The following PPP1R15B variants were observed in gnomAD, a reference collection of about 807,000 sequenced individuals.
PPP1R15B encodes the protein protein phosphatase 1 regulatory subunit 15B, also known as protein phosphatase 1, regulatory (inhibitor) subunit 15B.
A neutral mutation model predicts 53.9 loss-of-function variants in PPP1R15B; 31 were observed. That is an observed-to-expected ratio of 0.58 (90% CI 0.43 to 0.78). PPP1R15B has a LOEUF of 0.78. PPP1R15B is among the 30% of genes least tolerant of loss of function. The probability of loss-of-function intolerance (pLI) is 0.00; values close to 1 mark genes in which losing one functional copy is unlikely to be tolerated. For missense variants in PPP1R15B, 928 were observed against 849.6 expected, an observed-to-expected ratio of 1.09 and a Z score of -1.15; for synonymous variants, 345 against 329.1, an observed-to-expected ratio of 1.05 and a Z score of -0.52.
rs1483716497 is a variant in PPP1R15B at position 204,411,434 on chromosome 1, CAGGT to C, written c.-27_-24del. ...CATCTCCTTTTTCTTGACAGTCTCT[CAGGT>C]AGGGCCGCGGCGCTCAGCGGCTGGA... On this transcript the variant is annotated 5_prime_UTR_variant, in exon 1 of 2. Coordinates refer to ENST00000367188, the MANE Select transcript of PPP1R15B (RefSeq NM_032833.5). 2 of 1,598,214 alleles carry C rather than the reference CAGGT, an allele frequency of 1.3e-6. No homozygotes were observed. The highest frequency in any genetic ancestry group is 1.3e-5 in the African/African-American group (1 of 74,516).
chr1:204,403,873 G>A lies in PPP1R15B; in HGVS notation c.*2219C>T, dbSNP rs1252231726. 5.1e-6 allele frequency: 5 copies of A among 985,388 alleles called. No homozygotes were observed. In the African/African-American group the frequency reaches 8.7e-5, roughly 17 times the overall value. The allele number at this position is 985,388 out of a possible 1,614,324, so 61.0% of individuals were successfully genotyped here. On this transcript the variant is annotated 3_prime_UTR_variant, in exon 2 of 2. Coordinates refer to ENST00000367188, the MANE Select transcript of PPP1R15B (RefSeq NM_032833.5). ...ACCTTCTGATCACTTCTTCCAAGGA[G>A]GCTAGTATATGGAAGAACTCTTAAT...
At chr1:204,396,552 C>A (rs373862913), downstream of PPP1R15B, among the ~76,000 whole-genome samples, 362 of 130,822 alleles carry the variant, frequency 2.8e-3, 1 homozygote, top group Admixed American at 3.4e-3. Context: ...CCCTGTCTGT[C>A]AAAAAAAAAA....
At chr1:204,397,377 T>G (rs1674112103), downstream of PPP1R15B, among the ~76,000 whole-genome samples, 1 of 151,920 alleles carries the variant, frequency 6.6e-6, no homozygotes, top group African/African-American at 2.4e-5. Flanking sequence ...ATACAAAAAA[T>G]TAGCCGGGTG....
Position 204,410,408 on chromosome 1 carries a change from T to A in PPP1R15B, c.1004A>T (p.Asp335Val). Residue 335 changes from aspartate to valine, a missense_variant, in exon 1 of 2, where the codon GAT becomes GTT. Transcript: ENST00000367188. ...TGGGTTATCTCTGCAGTGTTTTGGA[T>A]CCATCCGGAGAAGGCTGTGTTCCTC... ...LEEEHSLLRM[D>V]PKHCRDNPTQ... 6.2e-7 allele frequency: 1 copy of A among 1,614,210 alleles called. No individual in the cohort carries two copies. Among genetic ancestry groups the A allele is most frequent in the Non-Finnish European group, 8.5e-7 (1 of 1,180,030 alleles).
chr1:204,403,405 A>G lies in PPP1R15B; in HGVS notation c.*2687T>C, dbSNP rs12062484. 2.4e-5 allele frequency: 17 copies of G among 704,358 alleles called. No homozygotes were observed. The African/African-American group carries it at 3.3e-4, about 14-fold the overall frequency. The allele number at this position is 704,358 out of a possible 1,614,324, so 43.6% of individuals were successfully genotyped here. ...CTTAACATTTAATAATTGCAAATAT[A>G]TTTATTACAATTTACAGATTAGTTA... On this transcript the variant is annotated 3_prime_UTR_variant, in exon 2 of 2. Coordinates refer to ENST00000367188, the MANE Select transcript of PPP1R15B (RefSeq NM_032833.5).
chr1:204,411,762 G>A lies in PPP1R15B; in HGVS notation c.-351C>T, dbSNP rs1674385684. On this transcript the variant is annotated 5_prime_UTR_variant, in exon 1 of 2. Coordinates refer to ENST00000367188, the MANE Select transcript of PPP1R15B (RefSeq NM_032833.5). ...GAGGGTTGAAAAGCCCCTGAGCAAC[G>A]CGATACCGGAAGGACTGGGTAGGCC... 3.1e-6 allele frequency: 1 copy of A among 326,782 alleles called. No homozygotes were observed. Among genetic ancestry groups the A allele is most frequent in the African/African-American group, 2.2e-5 (1 of 46,326 alleles). The allele number at this position is 326,782 out of a possible 1,614,324, so 20.2% of individuals were successfully genotyped here. A position where few individuals can be genotyped will look rare whatever the true frequency, so the allele number is the denominator to read the frequency against.
chr1:204,403,332 T>C (rs1424448865), downstream of PPP1R15B: 4 of 562,096 alleles, frequency 7.1e-6, no homozygotes, highest in Admixed American at 6.4e-5. Context: ...TCCAAAACCA[T>C]TGTAAAATAC....
At position 204,410,256 on chromosome 1, in the gene PPP1R15B, G is replaced by C; in HGVS notation, c.1156C>G (p.Pro386Ala). 6.2e-7 allele frequency: 1 copy of C among 1,614,054 alleles called. No individual in the cohort carries two copies. Among genetic ancestry groups the C allele is most frequent in the Non-Finnish European group, 8.5e-7 (1 of 1,180,010 alleles). Residue 386 changes from proline (P) to alanine (A), a missense_variant, in exon 1 of 2, where the codon CCA (proline) becomes GCA (alanine). Physicochemically the swap from Pro to Ala is conservative, Grantham distance 27. Transcript: ENST00000367188. ...TTTTCCATAGGTATCTCACTAGATGGACAGCCCTCAGAAGGGCTCTCTTCT... is the reference window on the plus strand; with the variant it reads ...TTTTCCATAGGTATCTCACTAGATGCACAGCCCTCAGAAGGGCTCTCTTCT... ...LEEESPSEGCPSSEIPMEKEP... is the reference protein window; with the variant it reads ...LEEESPSEGCASSEIPMEKEP...
At position 204,405,669 on chromosome 1, in the gene PPP1R15B, GA is replaced by G; in HGVS notation, c.*422del. 1.0e-6 allele frequency: 1 copy of G among 984,174 alleles called. No homozygotes were observed. The highest frequency in any genetic ancestry group is 1.2e-6 in the Non-Finnish European group (1 of 828,288). The allele number at this position is 984,174 out of a possible 1,614,324, so 61.0% of individuals were successfully genotyped here. On this transcript the variant is annotated 3_prime_UTR_variant, in exon 2 of 2. Coordinates refer to ENST00000367188, the MANE Select transcript of PPP1R15B (RefSeq NM_032833.5). The stretch of plus-strand genomic sequence containing the variant: ...AAGCCCATTAACTTCTGAATTTTGG[GA>G]AAGAAACAAGAAAGAGCCCAAAGTT...
downstream of PPP1R15B, among the ~76,000 whole-genome samples, chr1:204,397,080 C>G (rs911290625): frequency 2.0e-5 from 3 of 151,644 alleles, no homozygotes; most frequent in East Asian, 1.9e-4. Flanking sequence ...CCCAGCTACT[C>G]GGGAAACTGA....
At chr1:204,409,470 T>A in intron 1 of PPP1R15B, 22 bp downstream of exon 1, 1 of 1,590,542 alleles carries the variant, frequency 6.3e-7, no homozygotes, top group African/African-American at 1.3e-5. Flanking sequence ...ATATCAGGCA[T>A]GTTAAAAGAC....
chr1:204,411,331 C>G lies in PPP1R15B; in HGVS notation c.81G>C (p.Arg27=). The G allele has an allele frequency of 1.2e-6, 2 of 1,614,126 alleles. No individual in the cohort carries two copies. Among genetic ancestry groups the G allele is most frequent in the Non-Finnish European group, 1.7e-6 (2 of 1,180,036 alleles). ...GFRFWPPFFP[R]RSQAGSSKFP... ...ACTTAGAAGAGCCTGCTTGCGATCG[C>G]CGAGGGAAAAAGGGTGGCCAGAACC... is the stretch of plus-strand genomic sequence containing the variant. Residue 27 remains arginine, a synonymous_variant, in exon 1 of 2, where the codon CGG becomes CGC. Transcript: ENST00000367188.
chr1:204,407,109 A>G (rs1229600727), intron 1 of PPP1R15B, among the ~76,000 whole-genome samples: 2 of 152,174 alleles, frequency 1.3e-5, no homozygotes, highest in African/African-American at 2.4e-5. Context: ...TCACTGCATA[A>G]AGGCTTTAAC....
At chr1:204,408,951 C>G (rs1441871850) in intron 1 of PPP1R15B, among the ~76,000 whole-genome samples, 1 of 152,186 alleles carries the variant, frequency 6.6e-6, no homozygotes, top group Non-Finnish European at 1.5e-5. Context: ...AGTGAAATTA[C>G]TATTTAATTT....
rs193235516 is a variant in PPP1R15B at position 204,405,034 on chromosome 1, T to C, written c.*1058A>G. On this transcript the variant is annotated 3_prime_UTR_variant, in exon 2 of 2. Transcript: ENST00000367188. ...TGGATATTGACTGAAGTTTATATTT[T>C]ACATTTCAAACGTGAAAATTCAGAA... 2.5e-4 allele frequency: 248 copies of C among 985,860 alleles called. No homozygotes were observed. The African/African-American group carries it at 3.9e-3, about 15-fold the overall frequency. The allele number at this position is 985,860 out of a possible 1,614,324, so 61.1% of individuals were successfully genotyped here. A position where few individuals can be genotyped will look rare whatever the true frequency, so the allele number is the denominator to read the frequency against.
In PPP1R15B at chr1:204,410,340, G is replaced by C. The variant is rs756468854; in HGVS notation, c.1072C>G (p.Gln358Glu). 22 of 1,614,150 alleles carry C rather than the reference G, an allele frequency of 1.4e-5. No individual in the cohort carries two copies. Among genetic ancestry groups the C allele is most frequent in the Non-Finnish European group, 1.9e-5 (22 of 1,180,020 alleles). ...PAAGDIPGNTQESTEEKIELL... is the reference protein window; with the variant it reads ...PAAGDIPGNTEESTEEKIELL... ...TCTATTTTTTCTTCAGTGGATTCCT[G>C]GGTGTTTCCAGGAATGTCTCCAGCA... is the stretch of plus-strand genomic sequence containing the variant. The change falls in exon 1 of 2, where the codon CAG becomes GAG. Residue 358 changes from glutamine (Q) to glutamate (E), a missense_variant. Gln to Glu is a conservative substitution (Grantham distance 29). Coordinates refer to ENST00000367188, the MANE Select transcript of PPP1R15B (RefSeq NM_032833.5).
Position 204,405,837 on chromosome 1 carries a change from C to T in PPP1R15B, c.*255G>A, listed in dbSNP as rs1040830608. On this transcript the variant is annotated 3_prime_UTR_variant, in exon 2 of 2. Transcript: ENST00000367188. ...CTTTCCACCTCATGCAGGCAAAGGA[C>T]ATTTAAAAGCACATCCAACTAAATC... The T allele has an allele frequency of 4.1e-5, 50 of 1,208,922 alleles. No homozygotes were observed. The highest frequency in any genetic ancestry group is 5.0e-5 in the Non-Finnish European group (48 of 967,258). 74.9% of individuals were successfully genotyped at this position (1,208,922 alleles called of 1,614,324 possible).
At chr1:204,401,085 C>T (rs1477960526), downstream of PPP1R15B, among the ~76,000 whole-genome samples, 1 of 152,244 alleles carries the variant, frequency 6.6e-6, no homozygotes, top group East Asian at 1.9e-4. Context: ...TGATGTAACT[C>T]AAATTGCTTA....
chr1:204,404,854 A>C lies in PPP1R15B; in HGVS notation c.*1238T>G. ...TTGTAAAGCTAAACAAATAAACCAA[A>C]CACAAACAGTCAATGCAAAGACTTC... On this transcript the variant is annotated 3_prime_UTR_variant, in exon 2 of 2. Coordinates refer to ENST00000367188, the MANE Select transcript of PPP1R15B (RefSeq NM_032833.5). 2 of 985,766 alleles carry C rather than the reference A, an allele frequency of 2.0e-6. No individual in the cohort carries two copies. The highest frequency in any genetic ancestry group is 2.4e-6 in the Non-Finnish European group (2 of 829,852). The allele number at this position is 985,766 out of a possible 1,614,324, so 61.1% of individuals were successfully genotyped here. A position where few individuals can be genotyped will look rare whatever the true frequency, so the allele number is the denominator to read the frequency against.
Sources: gnomAD v4.1 joint callset for allele counts (sites outside exome capture counted in the v4.1 genomes callset) on GRCh38, gnomAD v4.1.1 for gene constraint, MANE v1.5 for transcripts, NCBI Gene and HGNC (gene_info 2026-07-23, HGNC 2026-07-21) for gene names.